C5: variants seen among roughly 807,000 people sequenced by gnomAD.
The protein encoded by C5 is complement C5.
In C5, 140 loss-of-function variants were observed where a neutral mutation model predicts 218.8. The observed-to-expected ratio is 0.64, with a 90% CI of 0.56 to 0.74. C5 has a LOEUF of 0.74. Ranked by LOEUF, C5 falls within the 30% of genes least tolerant of loss-of-function variation. The pLI is 0.00. For missense variants in C5, 1,700 were observed against 1,969.6 expected (o/e 0.86, Z 2.59); for synonymous variants, 614 against 682.3 (o/e 0.90, Z 1.56).
At chr9:120,961,644 T>G (rs1436277509) in intron 36 of C5, 79 bp from the exon 37 acceptor site, 6 of 902,240 alleles carry the variant, frequency 6.7e-6, no homozygotes, top group African/African-American at 3.3e-5. Context: ...GTGTCTTACA[T>G]GGAGCCTCAG....
At chr9:120,989,425 T>C in intron 24 of C5, 143 bp downstream of exon 24, 1 of 653,008 alleles carries the variant, frequency 1.5e-6, no homozygotes, top group Non-Finnish European at 2.6e-6. Context: ...ATAATATTTA[T>C]TTATATAGTA....
At chr9:121,032,536 C>G (rs1051003787) in intron 5 of C5, among the ~76,000 whole-genome samples, 1 of 151,998 alleles carries the variant, frequency 6.6e-6, no homozygotes, top group African/African-American at 2.4e-5. Flanking sequence ...ATACTAAAAT[C>G]CAAAATACAG....
intron 6 of C5, 114 bp from the exon 7 acceptor site, chr9:121,030,601 A>G (rs1158899934): frequency 1.9e-5 from 12 of 625,580 alleles, no homozygotes; most frequent in Non-Finnish European, 3.5e-5. Context: ...TCAACACAAC[A>G]TCCACTTTAT....
intron 2 of C5, 61 bp downstream of exon 2, chr9:121,046,130 C>A: frequency 3.5e-6 from 3 of 854,586 alleles, no homozygotes; most frequent in South Asian, 1.9e-5. Flanking sequence ...AAACTTTGTA[C>A]ACATTTTTAT....
chr9:120,982,559 T>G, intron 26 of C5, 96 bp downstream of exon 26: 1 of 1,041,310 alleles, frequency 9.6e-7, no homozygotes, highest in Admixed American at 2.0e-5. Flanking sequence ...CAGAATTACA[T>G]TTTTTTCTTC....
the C5 span, among the ~76,000 whole-genome samples, chr9:121,066,236 C>T: frequency 1.3e-4 from 20 of 148,484 alleles, no homozygotes; most frequent in African/African-American, 4.2e-4. Flanking sequence ...CACTTGAACC[C>T]GGGAGGCAGA....
At chr9:121,064,678 T>C in the C5 span, among the ~76,000 whole-genome samples, 1 of 152,266 alleles carries the variant, frequency 6.6e-6, no homozygotes, top group Non-Finnish European at 1.5e-5. Flanking sequence ...TCAGATCTTC[T>C]AAGTTTGACT....
intron 22 of C5, 22 bp from the exon 23 acceptor site, chr9:120,991,302 T>A (rs1442839298): frequency 1.4e-6 from 2 of 1,383,472 alleles, no homozygotes; most frequent in African/African-American, 2.8e-5. Context: ...AAAATTTGGA[T>A]TTATACAGAG....
chr9:120,989,547 T>C, intron 24 of C5, 21 bp downstream of exon 24: 1 of 1,494,422 alleles, frequency 6.7e-7, no homozygotes, highest in Non-Finnish European at 9.2e-7. Flanking sequence ...AATTTTTATG[T>C]GAAATACTTT....
At chr9:120,993,307 A>G (rs2047090997) in intron 22 of C5, among the ~76,000 whole-genome samples, 1 of 152,230 alleles carries the variant, frequency 6.6e-6, no homozygotes, top group Admixed American at 6.5e-5. Flanking sequence ...AAATGCTAAC[A>G]TGGATTTTTC....
At position 121,016,261 on chromosome 9, in the gene C5, T is replaced by G; in HGVS notation, c.1989A>C (p.Gln663His). Residue 663 changes from glutamine (Q) to histidine (H), a missense_variant, in exon 15 of 41, where the codon CAA (glutamine) becomes CAC (histidine). Gln to His is a conservative substitution (Grantham distance 24). Coordinates refer to ENST00000223642, the MANE Select transcript of C5 (RefSeq NM_001735.3). ...FLTNANADDS[Q>H]ENDEPCKEIL... is the part of the protein sequence containing the mutation. The stretch of plus-strand genomic sequence containing the variant: ...ACATGCTGAGCATTTTACCATTTTC[T>G]TGGGAGTCATCTGCATTTGCATTAG... The G allele has an allele frequency of 6.2e-7, 1 of 1,614,030 alleles. No homozygotes were observed. The highest frequency in any genetic ancestry group is 8.5e-7 in the Non-Finnish European group (1 of 1,179,906).
intron 34 of C5, 151 bp downstream of exon 34, chr9:120,963,485 A>T (rs1393399224): frequency 3.0e-6 from 2 of 659,428 alleles, no homozygotes; most frequent in East Asian, 2.9e-5. Context: ...CCTGGGCAAC[A>T]AGAGTGAAAA....
rs1280054546 is a variant in C5, at chr9:120,970,170, C to G, written c.4162G>C (p.Ala1388Pro). The change falls in exon 32 of 41, where the codon GCA (alanine) becomes CCA (proline). Residue 1388 changes from alanine (A) to proline (P), a missense_variant and splice_region_variant. Transcript: ENST00000223642. ...YLKIDTQDIEASHYRGYGNSD... is the reference protein window; with the variant it reads ...YLKIDTQDIEPSHYRGYGNSD... ...ACAGCGTAAATCCTGCTGTTTTTACCTTCAATATCCTGAGTATCGATTTTC... is the reference window on the plus strand; with the variant it reads ...ACAGCGTAAATCCTGCTGTTTTTACGTTCAATATCCTGAGTATCGATTTTC... 1 of 1,606,762 alleles carries G rather than the reference C, an allele frequency of 6.2e-7. No homozygotes were observed.
chr9:121,012,077 T>C (rs966959627), intron 17 of C5, among the ~76,000 whole-genome samples: 4 of 152,142 alleles, frequency 2.6e-5, no homozygotes, highest in Admixed American at 2.0e-4. Context: ...CAGTCAATAA[T>C]AATTTAATTG....
intron 2 of C5, 141 bp downstream of exon 2, chr9:121,046,050 T>C: frequency 2.3e-6 from 1 of 438,516 alleles, no homozygotes; most frequent in Non-Finnish European, 4.0e-6. Flanking sequence ...TACATTATCA[T>C]TAGTGACTGA....
intron 26 of C5, among the ~76,000 whole-genome samples, chr9:120,982,422 C>G (rs1170383462): frequency 1.3e-5 from 2 of 152,208 alleles, no homozygotes; most frequent in African/African-American, 2.4e-5. Flanking sequence ...TCTACCTCCA[C>G]CCCGTTAAAC....
intron 20 of C5, among the ~76,000 whole-genome samples, chr9:121,004,595 G>A (rs1287507216): frequency 3.3e-5 from 5 of 152,078 alleles, no homozygotes; most frequent in South Asian, 2.1e-4. Flanking sequence ...CCAACATGGC[G>A]AAACCTGTCT....
intron 20 of C5, among the ~76,000 whole-genome samples, chr9:121,003,934 T>G (rs2047193484): frequency 6.6e-6 from 1 of 152,124 alleles, no homozygotes; most frequent in African/African-American, 2.4e-5. Flanking sequence ...AGTGGCGCAA[T>G]CTCGGCTCAC....
chr9:121,050,311 G>T, upstream of C5: 1 of 1,235,460 alleles, frequency 8.1e-7, no homozygotes, highest in Non-Finnish European at 1.2e-6. Context: ...TAAATAAACT[G>T]AACTTGAAGA....
Sources: allele counts gnomAD v4.1 joint callset (sites outside exome capture counted in the v4.1 genomes callset), GRCh38; gene constraint gnomAD v4.1.1; transcripts MANE v1.5; gene names NCBI Gene and HGNC (gene_info 2026-07-23, HGNC 2026-07-21).